The following NTRK2 variants were observed in gnomAD, a reference collection of about 807,000 sequenced individuals.
NTRK2 encodes neurotrophic receptor tyrosine kinase 2.
Under a neutral mutation model 94.5 loss-of-function variants are expected in NTRK2, and 13 were observed. The ratio of observed to expected loss-of-function variants is 0.14; its 90% CI spans 0.09 to 0.22. NTRK2 has a LOEUF of 0.22. Ranked by LOEUF, NTRK2 falls within the 10% of genes least tolerant of loss-of-function variation. NTRK2 has a pLI of 1.00. For missense variants in NTRK2, 639 were observed against 1,071.2 expected (o/e 0.60, Z 5.63); for synonymous variants, 372 against 407.4 (o/e 0.91, Z 1.05).
At chr9:84,970,995 G>T (rs983695610) in intron 17 of NTRK2, among the ~76,000 whole-genome samples, 1 of 151,956 alleles carries the variant, frequency 6.6e-6, no homozygotes, top group African/African-American at 2.4e-5. Flanking sequence ...CTTTTTTCTT[G>T]TTCCTTCTGT....
chr9:84,854,388 C>G (rs917107376), intron 12 of NTRK2, among the ~76,000 whole-genome samples: 31 of 152,296 alleles, frequency 2.0e-4, no homozygotes, highest in African/African-American at 6.7e-4. Flanking sequence ...TAGTAAACTA[C>G]TTTTGCTTGA....
intron 12 of NTRK2, among the ~76,000 whole-genome samples, chr9:84,857,285 C>A (rs1042675984): frequency 4.9e-4 from 75 of 152,218 alleles, no homozygotes; most frequent in African/African-American, 1.8e-3. Context: ...GGTCTACATT[C>A]CAAAAGGAGG....
intron 14 of NTRK2, among the ~76,000 whole-genome samples, chr9:84,905,523 A>G (rs1174015680): frequency 6.6e-6 from 1 of 152,182 alleles, no homozygotes; most frequent in Non-Finnish European, 1.5e-5. Flanking sequence ...ACAAACAATC[A>G]ATATTTTTTT....
intron 12 of NTRK2, among the ~76,000 whole-genome samples, chr9:84,799,639 C>G (rs2070140200): frequency 6.6e-6 from 1 of 150,678 alleles, no homozygotes. Context: ...CATTTGAATT[C>G]TGTGGAATTT....
At chr9:84,983,690 C>T (rs1026966861) in intron 17 of NTRK2, among the ~76,000 whole-genome samples, 1 of 152,180 alleles carries the variant, frequency 6.6e-6, no homozygotes, top group Non-Finnish European at 1.5e-5. Flanking sequence ...CAGATTTCCA[C>T]TGTCAGGTAC....
At chr9:84,850,794 G>A (rs988149587) in intron 12 of NTRK2, among the ~76,000 whole-genome samples, 4 of 152,172 alleles carry the variant, frequency 2.6e-5, no homozygotes, top group Non-Finnish European at 4.4e-5. Flanking sequence ...GGTGTTGGGA[G>A]CAGTAGAAAG....
intron 9 of NTRK2, among the ~76,000 whole-genome samples, 189 bp from the exon 10 acceptor site, chr9:84,741,703 C>G (rs1048556249): frequency 1.3e-5 from 2 of 151,934 alleles, no homozygotes; most frequent in Non-Finnish European, 2.9e-5. Flanking sequence ...AGTGGGAGAA[C>G]CGGGGAGGGG....
At chr9:84,941,060 T>A (rs1031466999) in intron 15 of NTRK2, among the ~76,000 whole-genome samples, 2 of 152,248 alleles carry the variant, frequency 1.3e-5, no homozygotes, top group South Asian at 4.1e-4. Flanking sequence ...TGTGTCAACA[T>A]GACGTAATGT....
At chr9:84,983,312 G>A (rs1161631237) in intron 17 of NTRK2, among the ~76,000 whole-genome samples, 1 of 152,170 alleles carries the variant, frequency 6.6e-6, no homozygotes, top group Non-Finnish European at 1.5e-5. Context: ...CCTGTGGTCA[G>A]CACCAACAGA....
intron 12 of NTRK2, among the ~76,000 whole-genome samples, chr9:84,852,784 G>A (rs963869980): frequency 6.6e-6 from 1 of 152,166 alleles, no homozygotes; most frequent in Non-Finnish European, 1.5e-5. Context: ...AAAACTAAAT[G>A]TTTGAAATAT....
chr9:84,842,805 A>G (rs1001230554), intron 12 of NTRK2, among the ~76,000 whole-genome samples: 15 of 152,134 alleles, frequency 9.9e-5, no homozygotes, highest in African/African-American at 3.6e-4. Context: ...GGAAAACTAG[A>G]CCCACTGTTA....
At chr9:84,761,326 G>A (rs2065545583) in intron 12 of NTRK2, among the ~76,000 whole-genome samples, 2 of 152,154 alleles carry the variant, frequency 1.3e-5, no homozygotes, top group African/African-American at 4.8e-5. Context: ...TGGGGAGGGA[G>A]AATGTTGAGA....
intron 14 of NTRK2, among the ~76,000 whole-genome samples, chr9:84,902,264 G>T (rs924098824): frequency 6.6e-6 from 1 of 151,688 alleles, no homozygotes; most frequent in African/African-American, 2.4e-5. Context: ...TTCCACTTTA[G>T]GGATCTTTGT....
intron 14 of NTRK2, among the ~76,000 whole-genome samples, chr9:84,907,199 C>T (rs2077098146): frequency 6.6e-6 from 1 of 152,090 alleles, no homozygotes; most frequent in African/African-American, 2.4e-5. Flanking sequence ...ATAGCTTTGT[C>T]CATACCTGGC....
At chr9:84,915,094 A>G (rs995026723) in intron 14 of NTRK2, among the ~76,000 whole-genome samples, 29 of 152,246 alleles carry the variant, frequency 1.9e-4, no homozygotes, top group African/African-American at 5.8e-4. Context: ...TCATGCTCCT[A>G]TGAGAATCTA....
At chr9:84,786,513 C>T (rs903455512) in intron 12 of NTRK2, among the ~76,000 whole-genome samples, 2 of 152,164 alleles carry the variant, frequency 1.3e-5, no homozygotes, top group African/African-American at 2.4e-5. Context: ...TCTGTCTCTA[C>T]TTCTGGTTCC....
intron 12 of NTRK2, among the ~76,000 whole-genome samples, chr9:84,833,214 T>C (rs974207284): frequency 6.6e-6 from 1 of 152,052 alleles, no homozygotes; most frequent in African/African-American, 2.4e-5. Flanking sequence ...TGTGAAGTGC[T>C]TCTCAGCTTG....
intron 12 of NTRK2, among the ~76,000 whole-genome samples, chr9:84,789,937 A>G (rs2133185449): frequency 6.6e-6 from 1 of 152,276 alleles, no homozygotes; most frequent in Non-Finnish European, 1.5e-5. Context: ...CTCCTGGGCA[A>G]TACATTTGCC....
At chr9:84,807,286 G>A (rs1230610767) in intron 12 of NTRK2, among the ~76,000 whole-genome samples, 1 of 152,142 alleles carries the variant, frequency 6.6e-6, no homozygotes, top group Non-Finnish European at 1.5e-5. Context: ...AGAGCACTTC[G>A]CTGACCTTCA....
Sources: allele counts gnomAD v4.1 joint callset (sites outside exome capture counted in the v4.1 genomes callset), GRCh38; gene constraint gnomAD v4.1.1; transcripts MANE v1.5; gene names NCBI Gene and HGNC (gene_info 2026-07-23, HGNC 2026-07-21).